The following SUCLA2 variants were observed in gnomAD, a reference collection of about 807,000 sequenced individuals.
SUCLA2 encodes the protein succinate-CoA ligase ADP-forming subunit beta.
SUCLA2 carries 30 observed loss-of-function variants against 54.8 expected under a neutral mutation model. The observed-to-expected ratio is 0.55, with a 90% CI of 0.41 to 0.74. SUCLA2 has a LOEUF of 0.74. Among genes scored for constraint, SUCLA2 ranks in the 30% least tolerant of loss-of-function variants. The probability of loss-of-function intolerance (pLI) is 0.00; values close to 1 mark genes in which losing one functional copy is unlikely to be tolerated. For missense variants in SUCLA2, 476 were observed against 562.9 expected (o/e 0.85, Z 1.56); for synonymous variants, 172 against 188.9 (o/e 0.91, Z 0.74).
At chr13:47,953,433 A>G (rs6561417) in intron 8 of SUCLA2, among the ~76,000 whole-genome samples, 110,853 of 151,998 alleles carry the variant, frequency 0.73, 41,383 homozygotes, top group Non-Finnish European at 0.82. Context: ...AGTAATTACT[A>G]AACAAGGGAA....
intron 10 of SUCLA2, among the ~76,000 whole-genome samples, chr13:47,948,183 GAAGT>G (rs1233626369): frequency 3.3e-5 from 5 of 152,124 alleles, no homozygotes; most frequent in African/African-American, 1.2e-4. Context: ...GTTGTGGGAG[GAAGT>G]AAGAATACAG....
At chr13:47,991,622 G>A (rs1345475209) in intron 2 of SUCLA2, 4 of 152,148 alleles carry the variant, frequency 2.6e-5, no homozygotes, top group African/African-American at 7.2e-5. Flanking sequence ...CAGAATCTTT[G>A]TTGTATTCAT....
chr13:47,994,758 C>T (rs1950177744), intron 2 of SUCLA2: 1 of 854,858 alleles, frequency 1.2e-6, no homozygotes, highest in Non-Finnish European at 1.4e-6. Flanking sequence ...TCTAAATGAA[C>T]AAGGTATCTG....
intron 6 of SUCLA2, among the ~76,000 whole-genome samples, chr13:47,963,099 G>A (rs866288928): frequency 6.6e-6 from 1 of 152,144 alleles, no homozygotes; most frequent in South Asian, 2.1e-4. Context: ...TATCTCCTCA[G>A]CTGCAGCACC....
chr13:47,952,647 T>C (rs745858961), intron 8 of SUCLA2, among the ~76,000 whole-genome samples: 1 of 152,046 alleles, frequency 6.6e-6, no homozygotes, highest in Non-Finnish European at 1.5e-5. Context: ...ATGCCTCTAA[T>C]TTATTCTTAC....
At chr13:47,987,384 A>C (rs759906246) in intron 4 of SUCLA2, among the ~76,000 whole-genome samples, 1 of 152,302 alleles carries the variant, frequency 6.6e-6, no homozygotes, top group East Asian at 1.9e-4. Context: ...AATGTCAATG[A>C]AAAGAAAAAT....
intron 2 of SUCLA2, among the ~76,000 whole-genome samples, chr13:47,989,841 T>C (rs529213337): frequency 2.6e-5 from 4 of 152,320 alleles, no homozygotes; most frequent in African/African-American, 9.6e-5. Context: ...ACTGCATGAG[T>C]AGTACTATCA....
In SUCLA2 at chr13:47,971,308, T is replaced by C. The variant is rs143479443; in HGVS notation, c.663+1956A>G. 1,364 of 151,414 alleles carry C rather than the reference T, an allele frequency of 9.0e-3. 11 individuals are homozygous for C. The highest frequency in any genetic ancestry group is 0.014 in the Non-Finnish European group (938 of 67,980). The allele number at this position is 151,414 out of a possible 1,614,324, so 9.4% of individuals were successfully genotyped here. On this transcript the variant is annotated intron_variant, in intron 5 of 10. Coordinates refer to ENST00000646932, the MANE Select transcript of SUCLA2 (RefSeq NM_003850.3). The stretch of plus-strand genomic sequence containing the variant: ...GGTGCATGCCTGTAATCCTAGCTAC[T>C]TGGGAGGCTGAGGTGGGAGGATTGC...
In SUCLA2 at chr13:47,954,492, C is replaced by T; in HGVS notation, c.868G>A (p.Asp290Asn). ...TCTTCCTGGGTCCAGTCCTGTAGAT[C>T]AAAGATTTTCTTTTGGCGATAGGCT... Reference protein sequence around the residue: ...NSAYRQKKIFDLQDWTQEDER... With the variant: ...NSAYRQKKIFNLQDWTQEDER... Residue 290 changes from aspartate to asparagine, a missense_variant, in exon 7 of 11, where the codon GAT (aspartate) becomes AAT (asparagine). This residue lies in a region of SUCLA2 where 342 missense variants were observed against 444.2 expected (regional missense o/e 0.77). Transcript: ENST00000646932. The T allele has an allele frequency of 6.2e-7, 1 of 1,613,824 alleles. No individual in the cohort carries two copies. Among genetic ancestry groups the T allele is most frequent in the Non-Finnish European group, 8.5e-7 (1 of 1,179,844 alleles).
chr13:47,950,012 C>T (rs964795772), intron 8 of SUCLA2, among the ~76,000 whole-genome samples: 2 of 152,198 alleles, frequency 1.3e-5, no homozygotes, highest in Non-Finnish European at 2.9e-5. Context: ...AGGAAAAGGG[C>T]GTGTTGTGTG....
chr13:48,000,538 A>G (rs961859342), intron 1 of SUCLA2, among the ~76,000 whole-genome samples: 4 of 152,246 alleles, frequency 2.6e-5, no homozygotes, highest in Non-Finnish European at 5.9e-5. Flanking sequence ...CAAATATTCA[A>G]AACAAGGCCA....
chr13:47,988,611 AC>A lies in SUCLA2; in HGVS notation c.463del (p.Val155TyrfsTer17), dbSNP rs749472829. 1.9e-6 allele frequency: 3 copies of A among 1,613,974 alleles called. No individual in the cohort carries two copies. The highest frequency in any genetic ancestry group is 2.5e-6 in the Non-Finnish European group (3 of 1,179,954). ...TGEKGRICNQVLVCERKYPRR... is the reference protein window; with the variant it reads ...TGEKGRICNQXLVCERKYPRR... ...GGGATATTTTCGCTCACAGACCAAT[AC>A]TTGATTGCATATTCTGCCCTTTTCT... On this transcript the variant is annotated frameshift_variant, in exon 4 of 11. Transcript: ENST00000646932. LOFTEE classifies it high-confidence loss of function.
chr13:47,943,561 T>G, intron 10 of SUCLA2, 116 bp from the exon 11 acceptor site: 8 of 880,404 alleles, frequency 9.1e-6, no homozygotes, highest in Non-Finnish European at 1.5e-5. Flanking sequence ...ATTCTGACAT[T>G]GCTATAAATC....
rs141290679 is a variant in SUCLA2 at position 47,948,344 on chromosome 13, CACAT to C, written c.1317+592_1317+595del. Among the ~76,000 whole-genome samples, 334 of 152,188 alleles carry C rather than the reference CACAT, an allele frequency of 2.2e-3. 2 individuals carry two copies. Among genetic ancestry groups the C allele is most frequent in the African/African-American group, 7.8e-3 (324 of 41,538 alleles). Reference sequence around the variant, plus strand: ...TATCGAATATATAGATAGATACACACACATACATACATATGCGTGCATGTGTGTG... The same window carrying C: ...TATCGAATATATAGATAGATACACACACATACATATGCGTGCATGTGTGTG... On this transcript the variant is annotated intron_variant, in intron 10 of 10. Transcript: ENST00000646932.
chr13:47,966,718 T>TAA lies in SUCLA2; in HGVS notation c.802+1875_802+1876dup, dbSNP rs35050490. On this transcript the variant is annotated intron_variant, in intron 6 of 10. Coordinates refer to ENST00000646932, the MANE Select transcript of SUCLA2 (RefSeq NM_003850.3). ...ATTATTTTCAAGTATTTTCTTTAAA[T>TAA]AAAAAAAAAAAAATAGGCTGGGTGT... 3.6e-3 allele frequency among the ~76,000 whole-genome samples: 525 copies of TAA among 145,724 alleles called. 6 individuals are homozygous for TAA. Among genetic ancestry groups the TAA allele is most frequent in the African/African-American group, 4.0e-3 (159 of 39,682 alleles).
In SUCLA2 at chr13:47,949,566, A is replaced by G; in HGVS notation, c.1145T>C (p.Met382Thr). Residue 382 changes from methionine (M) to threonine (T), a missense_variant, in exon 9 of 11, where the codon ATG becomes ACG. Around this residue, in one of 2 missense-constraint regions of SUCLA2, gnomAD observed 342 missense variants for 444.2 expected, o/e 0.77. Coordinates refer to ENST00000646932, the MANE Select transcript of SUCLA2 (RefSeq NM_003850.3). ...ACCCTGTGCAATAACATCACAGCGC[A>G]TGATTCCTCCAAAAATGTTGACCAG... ...AILVNIFGGIMRCDVIAQGIV... is the reference protein window; with the variant it reads ...AILVNIFGGITRCDVIAQGIV... The G allele has an allele frequency of 6.2e-7, 1 of 1,613,598 alleles. No individual in the cohort carries two copies. The highest frequency in any genetic ancestry group is 8.5e-7 in the Non-Finnish European group (1 of 1,179,654).
At chr13:47,946,392 GT>G (rs1949731637) in intron 10 of SUCLA2, among the ~76,000 whole-genome samples, 1 of 151,876 alleles carries the variant, frequency 6.6e-6, no homozygotes, top group Non-Finnish European at 1.5e-5. Context: ...ATTAGCTTAT[GT>G]TTTTAAGAAG....
At chr13:47,947,795 A>G (rs1224705194) in intron 10 of SUCLA2, among the ~76,000 whole-genome samples, 2 of 152,212 alleles carry the variant, frequency 1.3e-5, no homozygotes, top group African/African-American at 4.8e-5. Flanking sequence ...ATGACAGCCT[A>G]AAGATGCAAC....
At chr13:47,966,439 T>C (rs1949918519) in intron 6 of SUCLA2, among the ~76,000 whole-genome samples, 1 of 151,972 alleles carries the variant, frequency 6.6e-6, no homozygotes, top group Non-Finnish European at 1.5e-5. Flanking sequence ...GGATCCACTC[T>C]TGGATGGTTC....
Sources: gnomAD v4.1 joint callset for allele counts (sites outside exome capture counted in the v4.1 genomes callset) on GRCh38, gnomAD v4.1.1 for gene constraint, gnomAD v4.1.1 regional missense constraint, MANE v1.5 for transcripts, NCBI Gene and HGNC (gene_info 2026-07-23, HGNC 2026-07-21) for gene names.